HACD1: variants seen among roughly 807,000 people sequenced by gnomAD.
HACD1 encodes the protein very-long-chain (3R)-3-hydroxyacyl-CoA dehydratase 1.
A neutral mutation model predicts 32.0 loss-of-function variants in HACD1; 41 were observed. The ratio of observed to expected loss-of-function variants is 1.28; its 90% CI spans 1.00 to 1.66. The LOEUF (loss-of-function observed/expected upper bound fraction) is 1.66. Among genes scored for constraint, HACD1 ranks in the 40% most tolerant of loss-of-function variants. The probability of loss-of-function intolerance (pLI) is 0.00; values close to 1 mark genes in which losing one functional copy is unlikely to be tolerated. For missense variants in HACD1, 396 were observed against 380.1 expected (o/e 1.04, Z -0.35); for synonymous variants, 142 against 139.0 (o/e 1.02, Z -0.15).
chr10:17,600,442 T>C (rs1284045541), intron 4 of HACD1, among the ~76,000 whole-genome samples: 2 of 152,112 alleles, frequency 1.3e-5, no homozygotes, highest in African/African-American at 4.8e-5. Flanking sequence ...TAGGTTCAAA[T>C]GAGTCTCATG....
chr10:17,613,097 GGTGTGTGTGTGTGTGT>G lies in HACD1; in HGVS notation c.257+3970_257+3985del, dbSNP rs56074507. 7.6e-4 allele frequency among the ~76,000 whole-genome samples: 101 copies of G among 132,874 alleles called. 1 individual carries two copies. Among genetic ancestry groups the G allele is most frequent in the African/African-American group, 2.1e-3 (73 of 34,902 alleles). 87.2% of individuals were successfully genotyped at this position (132,874 alleles called of 152,430 possible). On this transcript the variant is annotated intron_variant, in intron 1 of 6. Coordinates refer to ENST00000361271, the MANE Select transcript of HACD1 (RefSeq NM_014241.4). Reference sequence around the variant, plus strand: ...ACTATTCCGTTGCTTTGCAATTTGGGGTGTGTGTGTGTGTGTGTGTGTGTGTGTGTGTGTGTGTGTG... The same window carrying G: ...ACTATTCCGTTGCTTTGCAATTTGGGGTGTGTGTGTGTGTGTGTGTGTGTG...
In HACD1 at chr10:17,599,373, C is replaced by T. The variant is rs1173606024; in HGVS notation, c.522G>A (p.Ala174=). Residue 174 remains alanine (A), a synonymous_variant, in exon 5 of 7, where the codon GCG becomes GCA. Transcript: ENST00000361271. The part of the protein sequence containing the change: ...NEESVVLFLV[A]WTVTEITRYS... ...AGCGAGTGATCTCTGTCACAGTCCA[C>T]GCGACCAGAAAAAGCACCACACTCT... The T allele has an allele frequency of 1.5e-5, 24 of 1,613,632 alleles. No homozygotes were observed. The highest frequency in any genetic ancestry group is 1.6e-4 in the Middle Eastern group (1 of 6,082).
chr10:17,599,182 AGCATTCTG>A, intron 5 of HACD1, 100 bp downstream of exon 5: 1 of 1,516,910 alleles, frequency 6.6e-7, no homozygotes, highest in East Asian at 2.3e-5. Context: ...CTCCTATAAC[AGCATTCTG>A]GCATCGTGGG....
chr10:17,603,787 A>C (rs1554816768), intron 2 of HACD1, 43 bp from the exon 3 acceptor site: 2 of 1,563,604 alleles, frequency 1.3e-6, no homozygotes, highest in Non-Finnish European at 1.8e-6. Flanking sequence ...ATAATAGAAA[A>C]CATTAAATAA....
chr10:17,603,745 C>G lies in HACD1; in HGVS notation c.376-1G>C. 6.3e-7 allele frequency: 1 copy of G among 1,595,006 alleles called. No individual in the cohort carries two copies. Among genetic ancestry groups the G allele is most frequent in the Non-Finnish European group, 8.6e-7 (1 of 1,164,276 alleles). Reference sequence around the variant, plus strand: ...ACTCACCAATTAAACAGTGAACTATCTGTAAGCAAATAGAAAAAAATCATT... The same window carrying G: ...ACTCACCAATTAAACAGTGAACTATGTGTAAGCAAATAGAAAAAAATCATT... On this transcript the variant is annotated splice_acceptor_variant, in intron 2 of 6. Transcript: ENST00000361271. LOFTEE classifies it high-confidence loss of function.
At chr10:17,597,642 A>G (rs1237402162) in intron 5 of HACD1, among the ~76,000 whole-genome samples, 2 of 152,252 alleles carry the variant, frequency 1.3e-5, no homozygotes, top group Non-Finnish European at 2.9e-5. Context: ...GCACATGAAA[A>G]GAGACTATAT....
rs1833099488 is a variant in HACD1, at chr10:17,617,094, G to A, written c.246C>T (p.Ala82=). ...CGCGGCGCGCGTACCCCGCGGTCAT[G>A]GCGATGTCGTAGAAGGTGAGCCAGG... ...ATAWLTFYDI[A]MTAGWLVLAI... The change falls in exon 1 of 7, where the codon GCC becomes GCT. Residue 82 remains alanine (A), a synonymous_variant. Coordinates refer to ENST00000361271, the MANE Select transcript of HACD1 (RefSeq NM_014241.4). 6.7e-7 allele frequency: 1 copy of A among 1,494,818 alleles called. No individual in the cohort carries two copies. The highest frequency in any genetic ancestry group is 8.9e-7 in the Non-Finnish European group (1 of 1,125,216). 92.6% of individuals were successfully genotyped at this position (1,494,818 alleles called of 1,614,324 possible). A position where few individuals can be genotyped will look rare whatever the true frequency, so the allele number is the denominator to read the frequency against.
Position 17,617,237 on chromosome 10 carries a change from TG to T in HACD1, c.102del (p.Arg35GlyfsTer49), listed in dbSNP as rs1554818269. The T allele has an allele frequency of 2.0e-6, 3 of 1,484,644 alleles. No individual in the cohort carries two copies. The highest frequency in any genetic ancestry group is 2.5e-5 in the South Asian group (2 of 79,460). The allele number at this position is 1,484,644 out of a possible 1,614,324, so 92.0% of individuals were successfully genotyped here. ...CTGGACGCCATGGTGGCCGCGCACC[TG>T]GGGGACGTGGGAGACAGCGGCAGGA... ...PTLLPLSPTS[P>X]RCAATMASSD... On this transcript the variant is annotated frameshift_variant, in exon 1 of 7. Coordinates refer to ENST00000361271, the MANE Select transcript of HACD1 (RefSeq NM_014241.4). LOFTEE classifies it high-confidence loss of function.
rs1833898651 is a variant in HACD1 at position 17,589,107 on chromosome 10, A to G, written c.*1257T>C. ...CCTTTTGCTATTCAATGGAATTCAG[A>G]ATGAAAGGAGTCTGTCCAAAGATCA... On this transcript the variant is annotated 3_prime_UTR_variant, in exon 7 of 7. Coordinates refer to ENST00000361271, the MANE Select transcript of HACD1 (RefSeq NM_014241.4). 6.6e-6 allele frequency: 1 copy of G among 152,196 alleles called. No individual in the cohort carries two copies. The highest frequency in any genetic ancestry group is 1.9e-4 in the East Asian group (1 of 5,198). The allele number at this position is 152,196 out of a possible 1,614,324, so 9.4% of individuals were successfully genotyped here.
At chr10:17,612,628 T>G (rs1416191090) in intron 1 of HACD1, among the ~76,000 whole-genome samples, 1 of 151,974 alleles carries the variant, frequency 6.6e-6, no homozygotes, top group Non-Finnish European at 1.5e-5. Context: ...GAGTAAAAAC[T>G]TGGAAGAGGG....
intron 1 of HACD1, among the ~76,000 whole-genome samples, chr10:17,608,135 G>A (rs1486852433): frequency 1.3e-5 from 2 of 151,992 alleles, no homozygotes; most frequent in Admixed American, 6.6e-5. Context: ...TCAGCCTCTC[G>A]AGTAGCTGGG....
rs1397828891 is a variant in HACD1 at position 17,589,032 on chromosome 10, T to A, written c.*1332A>T. ...AAATTAAGGCAGTTATGAAAGTAGG[T>A]CTGGTGTATTTTTTTTATTAAACAC... is the stretch of plus-strand genomic sequence containing the variant. On this transcript the variant is annotated 3_prime_UTR_variant, in exon 7 of 7. Coordinates refer to ENST00000361271, the MANE Select transcript of HACD1 (RefSeq NM_014241.4). 6.6e-6 allele frequency: 1 copy of A among 151,280 alleles called. No homozygotes were observed. Among genetic ancestry groups the A allele is most frequent in the Non-Finnish European group, 1.5e-5 (1 of 68,022 alleles). 9.4% of individuals were successfully genotyped at this position (151,280 alleles called of 1,614,324 possible).
chr10:17,600,817 C>T (rs1187470143), intron 4 of HACD1, among the ~76,000 whole-genome samples: 1 of 152,158 alleles, frequency 6.6e-6, no homozygotes, highest in East Asian at 1.9e-4. Context: ...CGAGCTCTTG[C>T]TTCAAAGCAC....
At chr10:17,601,883 T>G (rs1834074664) in intron 4 of HACD1, among the ~76,000 whole-genome samples, 1 of 151,822 alleles carries the variant, frequency 6.6e-6, no homozygotes, top group Non-Finnish European at 1.5e-5. Flanking sequence ...GCTGTCCCCA[T>G]GCAGACAGGG....
At chr10:17,609,468 A>G (rs1834199489) in intron 1 of HACD1, among the ~76,000 whole-genome samples, 1 of 152,110 alleles carries the variant, frequency 6.6e-6, no homozygotes, top group Non-Finnish European at 1.5e-5. Flanking sequence ...TGGGCAAAAG[A>G]TTTGAACAGA....
Position 17,589,520 on chromosome 10 carries a change from G to C in HACD1, c.*844C>G, listed in dbSNP as rs538092676. On this transcript the variant is annotated 3_prime_UTR_variant, in exon 7 of 7. Transcript: ENST00000361271. ...GCCCAGACTGGCCTTGAACTTCTGG[G>C]CTCAAACGATCCTCCTGCCTCAGTC... is the stretch of plus-strand genomic sequence containing the variant. 1 of 152,182 alleles carries C rather than the reference G, an allele frequency of 6.6e-6. No individual in the cohort carries two copies. The highest frequency in any genetic ancestry group is 1.9e-4 in the East Asian group (1 of 5,174). 9.4% of individuals were successfully genotyped at this position (152,182 alleles called of 1,614,324 possible).
chr10:17,600,956 T>G (rs556870363), intron 4 of HACD1, among the ~76,000 whole-genome samples: 3 of 152,186 alleles, frequency 2.0e-5, no homozygotes, highest in East Asian at 3.9e-4. Context: ...AGGTGCATGA[T>G]TAGCATTGTG....
chr10:17,608,309 T>C (rs373144155), intron 1 of HACD1, among the ~76,000 whole-genome samples: 2 of 152,196 alleles, frequency 1.3e-5, no homozygotes, highest in East Asian at 3.9e-4. Context: ...ATTACCGGTG[T>C]GAGCCACTGC....
At chr10:17,615,971 A>G in intron 1 of HACD1, 1 of 279,466 alleles carries the variant, frequency 3.6e-6, no homozygotes, top group Non-Finnish European at 7.4e-6. Context: ...CCGTCTAAAA[A>G]ATAAAATAAA....
Sources: allele counts gnomAD v4.1 joint callset (sites outside exome capture counted in the v4.1 genomes callset), GRCh38; gene constraint gnomAD v4.1.1; transcripts MANE v1.5; gene names NCBI Gene and HGNC (gene_info 2026-07-23, HGNC 2026-07-21).